Variants in SESTD1 observed in about 807,000 individuals in gnomAD.
SESTD1 encodes the protein SEC14 domain and spectrin repeat-containing protein 1.
A neutral mutation model predicts 101.7 loss-of-function variants in SESTD1; 43 were observed. The ratio of observed to expected loss-of-function variants is 0.42; its 90% CI spans 0.33 to 0.55. SESTD1 has a LOEUF of 0.55. SESTD1 is among the 20% of genes least tolerant of loss of function. The pLI is 0.07. For synonymous variants in SESTD1, 283 were observed against 286.8 expected (o/e 0.99, Z 0.13); for missense variants, 647 against 815.1 (o/e 0.79, Z 2.51).
rs778871389 is a variant in SESTD1 at position 179,183,139 on chromosome 2, G to C, written c.105C>G (p.Leu35=). ...SGLILTIPLC[L]EQTNMDELSV... ...TCAGCTCATCCATATTTGTCTGTTC[G>C]AGGCATAATGGAATTGTCAAAATGA... The change falls in exon 3 of 18, where the codon CTC becomes CTG. Residue 35 remains leucine (L), a synonymous_variant. Coordinates refer to ENST00000428443, the MANE Select transcript of SESTD1 (RefSeq NM_178123.5). 6.2e-7 allele frequency: 1 copy of C among 1,611,816 alleles called. No individual in the cohort carries two copies. Among genetic ancestry groups the C allele is most frequent in the Non-Finnish European group, 8.5e-7 (1 of 1,178,962 alleles).
intron 1 of SESTD1, among the ~76,000 whole-genome samples, chr2:179,204,574 A>G (rs2046566494): frequency 7.4e-6 from 1 of 135,074 alleles, no homozygotes; most frequent in African/African-American, 2.9e-5. Context: ...GTTCAGGACA[A>G]TTTGAATCTA....
In SESTD1 at chr2:179,154,456, A is replaced by G. The variant is rs377762986; in HGVS notation, c.370-3065T>C. On this transcript the variant is annotated intron_variant, in intron 5 of 17. Transcript: ENST00000428443. Reference sequence around the variant, plus strand: ...TAGTAAATGAAGGAATAATAGAACTAGATTATCATTTTATAATTTTTAATG... The same window carrying G: ...TAGTAAATGAAGGAATAATAGAACTGGATTATCATTTTATAATTTTTAATG... Among the ~76,000 whole-genome samples, 19 of 152,314 alleles carry G rather than the reference A, an allele frequency of 1.2e-4. No homozygotes were observed. The East Asian group carries it at 3.7e-3, about 29-fold the overall frequency.
intron 10 of SESTD1, among the ~76,000 whole-genome samples, chr2:179,131,771 C>T (rs1328202543): frequency 6.6e-6 from 1 of 152,112 alleles, no homozygotes; most frequent in Non-Finnish European, 1.5e-5. Context: ...CTATTTATTT[C>T]CCAATTTTAT....
chr2:179,137,198 A>C (rs2045165731), intron 9 of SESTD1, among the ~76,000 whole-genome samples: 2 of 152,218 alleles, frequency 1.3e-5, no homozygotes, highest in Admixed American at 1.3e-4. Flanking sequence ...TGCAAAGTAT[A>C]ACCTTGGAGC....
At chr2:179,254,186 A>G (rs1201355671) in intron 1 of SESTD1, among the ~76,000 whole-genome samples, 4 of 152,152 alleles carry the variant, frequency 2.6e-5, no homozygotes, top group Non-Finnish European at 4.4e-5. Context: ...TAAAATAAAA[A>G]GGATGACCAG....
Position 179,104,923 on chromosome 2 carries a change from A to G in SESTD1, c.*4976T>C, listed in dbSNP as rs2044347097. ...TCTTGAAGTAGAGGGACTAGTGTTT[A>G]TTCTCAAGCTTTCATGTTTGCTTTA... On this transcript the variant is annotated 3_prime_UTR_variant, in exon 18 of 18. Transcript: ENST00000428443. 6.6e-6 allele frequency: 1 copy of G among 152,076 alleles called. No individual in the cohort carries two copies. Among genetic ancestry groups the G allele is most frequent in the Non-Finnish European group, 1.5e-5 (1 of 68,004 alleles). The allele number at this position is 152,076 out of a possible 1,614,324, so 9.4% of individuals were successfully genotyped here.
intron 5 of SESTD1, among the ~76,000 whole-genome samples, chr2:179,169,012 GGAGT>G (rs2045884219): frequency 6.6e-6 from 1 of 151,948 alleles, no homozygotes. Flanking sequence ...AGCCAATAAC[GGAGT>G]GAGGTGTAAT....
chr2:179,138,088 A>C (rs1026759301), intron 9 of SESTD1, among the ~76,000 whole-genome samples: 2 of 152,186 alleles, frequency 1.3e-5, no homozygotes, highest in African/African-American at 4.8e-5. Flanking sequence ...GTTCAAACAA[A>C]TTCACTTGTT....
intron 1 of SESTD1, among the ~76,000 whole-genome samples, chr2:179,256,000 T>C (rs534222812): frequency 2.0e-5 from 3 of 152,166 alleles, no homozygotes; most frequent in East Asian, 3.9e-4. Flanking sequence ...TTAAGCCTAC[T>C]ATTAAGACCT....
rs1444243676 is a variant in SESTD1 at position 179,105,439 on chromosome 2, T to C, written c.*4460A>G. The C allele has an allele frequency of 1.3e-5, 2 of 152,102 alleles. No homozygotes were observed. The highest frequency in any genetic ancestry group is 2.4e-5 in the African/African-American group (1 of 41,422). 9.4% of individuals were successfully genotyped at this position (152,102 alleles called of 1,614,324 possible). On this transcript the variant is annotated 3_prime_UTR_variant, in exon 18 of 18. Coordinates refer to ENST00000428443, the MANE Select transcript of SESTD1 (RefSeq NM_178123.5). ...ATTTCAAAGCCTTGTTATTTACTGA[T>C]GAGCTTACCAACTGGACCTTTTGTA...
chr2:179,242,350 G>A (rs2047166140), intron 1 of SESTD1, among the ~76,000 whole-genome samples: 1 of 152,160 alleles, frequency 6.6e-6, no homozygotes, highest in African/African-American at 2.4e-5. Context: ...ACATGTTCAT[G>A]AATTGGAAGA....
chr2:179,215,166 CA>C (rs1388948418), intron 1 of SESTD1, among the ~76,000 whole-genome samples: 1 of 133,784 alleles, frequency 7.5e-6, no homozygotes, highest in Non-Finnish European at 1.6e-5. Flanking sequence ...GATAGAGACA[CA>C]AAAAAACCTT....
chr2:179,204,906 G>A (rs1488250819), intron 1 of SESTD1, among the ~76,000 whole-genome samples: 3 of 134,958 alleles, frequency 2.2e-5, no homozygotes, highest in Non-Finnish European at 3.2e-5. Context: ...CAACCTTGAG[G>A]AAGAAATGCA....
intron 1 of SESTD1, among the ~76,000 whole-genome samples, chr2:179,245,467 G>A (rs1400376291): frequency 7.3e-6 from 1 of 136,574 alleles, no homozygotes; most frequent in Non-Finnish European, 1.5e-5. Context: ...AGTGAGCCGA[G>A]ATTGTGCCAC....
At chr2:179,168,863 T>C (rs61179885) in intron 5 of SESTD1, among the ~76,000 whole-genome samples, 8,725 of 152,284 alleles carry the variant, frequency 0.057, 315 homozygotes, top group South Asian at 0.11. Flanking sequence ...AATAATGGGA[T>C]GGAAGTATTG....
At chr2:179,173,837 C>T (rs1283079858) in intron 4 of SESTD1, among the ~76,000 whole-genome samples, 1 of 152,124 alleles carries the variant, frequency 6.6e-6, no homozygotes, top group East Asian at 1.9e-4. Context: ...AATGGCTGAA[C>T]TCCAATAAAA....
chr2:179,154,177 G>GC (rs1303929144), intron 5 of SESTD1, among the ~76,000 whole-genome samples: 2 of 151,556 alleles, frequency 1.3e-5, no homozygotes, highest in African/African-American at 4.9e-5. Flanking sequence ...GCTGCAGGGA[G>GC]CTATTATTGC....
Position 179,152,581 on chromosome 2 carries a change from T to G in SESTD1, c.370-1190A>C, listed in dbSNP as rs1184920085. On this transcript the variant is annotated intron_variant, in intron 5 of 17. Coordinates refer to ENST00000428443, the MANE Select transcript of SESTD1 (RefSeq NM_178123.5). ...GAAAAATTTAGAAACAGACACAATA[T>G]GTAAAACAAGGTACATCCATACTGT... Among the ~76,000 whole-genome samples, 7 of 152,140 alleles carry G rather than the reference T, an allele frequency of 4.6e-5. No homozygotes were observed. In the East Asian group the frequency reaches 1.3e-3, roughly 29 times the overall value.
intron 1 of SESTD1, among the ~76,000 whole-genome samples, chr2:179,198,087 T>C (rs2046433888): frequency 2.6e-5 from 4 of 152,034 alleles, no homozygotes; most frequent in African/African-American, 9.7e-5. Context: ...GAGACACACA[T>C]AGGCTCAAAA....
Sources: allele counts gnomAD v4.1 joint callset (sites outside exome capture counted in the v4.1 genomes callset), GRCh38; gene constraint gnomAD v4.1.1; transcripts MANE v1.5; gene names NCBI Gene and HGNC (gene_info 2026-07-23, HGNC 2026-07-21).